COL17A1: variants seen among roughly 807,000 people sequenced by gnomAD.
COL17A1 encodes the protein collagen type XVII alpha 1 chain.
A neutral mutation model predicts 218.4 loss-of-function variants in COL17A1; 181 were observed. The ratio of observed to expected loss-of-function variants is 0.83; its 90% CI spans 0.73 to 0.94. The LOEUF is 0.94. Ranked by LOEUF, COL17A1 falls within the 40% of genes least tolerant of loss-of-function variation. COL17A1 has a pLI of 0.00. For synonymous variants in COL17A1, 721 were observed against 731.0 expected (o/e 0.99, Z 0.22); for missense variants, 1,924 against 1,945.9 (o/e 0.99, Z 0.21).
intron 29 of COL17A1, 171 bp from the exon 30 acceptor site, chr10:104,048,275 C>T (rs2086433893): frequency 1.3e-6 from 1 of 778,184 alleles, no homozygotes; most frequent in Non-Finnish European, 2.4e-6. Context: ...TCCCACTGCC[C>T]CTTCTCCTAA....
intron 6 of COL17A1, chr10:104,073,839 G>C (rs369190183): frequency 9.0e-6 from 3 of 331,582 alleles, no homozygotes; most frequent in Admixed American, 4.2e-5. Context: ...TCTACTCGCT[G>C]CTCTGCTTCT....
chr10:104,059,862 A>C (rs541252244), intron 14 of COL17A1, 144 bp from the exon 15 acceptor site: 1 of 1,017,422 alleles, frequency 9.8e-7, no homozygotes, highest in East Asian at 2.6e-5. Flanking sequence ...CCTGGGGTTC[A>C]TCTCCCCTGA....
In COL17A1 at chr10:104,032,224, C is replaced by G; in HGVS notation, c.*11G>C. The G allele has an allele frequency of 6.2e-7, 1 of 1,611,478 alleles. No homozygotes were observed. The highest frequency in any genetic ancestry group is 8.5e-7 in the Non-Finnish European group (1 of 1,177,568). ...GAGACCTGGTCCAGGAGCTGTCCTG[C>G]CATGGCTAGCTCACGGCTTGACAGC... On this transcript the variant is annotated 3_prime_UTR_variant, in exon 56 of 56. Coordinates refer to ENST00000648076, the MANE Select transcript of COL17A1 (RefSeq NM_000494.4).
intron 2 of COL17A1, among the ~76,000 whole-genome samples, 165 bp from the exon 3 acceptor site, chr10:104,078,751 A>C (rs1231146906): frequency 6.6e-6 from 1 of 152,214 alleles, no homozygotes; most frequent in African/African-American, 2.4e-5. Flanking sequence ...CTGTGCAAAA[A>C]GATATGAGCA....
In COL17A1 at chr10:104,073,081, G is replaced by A. The variant is rs900796167; in HGVS notation, c.415+129C>T. The A allele has an allele frequency of 3.4e-6, 3 of 881,062 alleles. No individual in the cohort carries two copies. The African/African-American group carries it at 4.9e-5, about 14-fold the overall frequency. 54.6% of individuals were successfully genotyped at this position (881,062 alleles called of 1,614,324 possible). Reference sequence around the variant, plus strand: ...ATTCCCAGGATACTCTAAGCTCCTCGAAAGCAGAAAGCATGCCTTATTTAT... The same window carrying A: ...ATTCCCAGGATACTCTAAGCTCCTCAAAAGCAGAAAGCATGCCTTATTTAT... On this transcript the variant is annotated intron_variant, in intron 7 of 55. Transcript: ENST00000648076.
intron 6 of COL17A1, chr10:104,073,868 T>C (rs2086687792): frequency 2.8e-6 from 1 of 362,080 alleles, no homozygotes; most frequent in Non-Finnish European, 5.3e-6. Context: ...CCTCTGTGCA[T>C]CTCATGGAAA....
intron 4 of COL17A1, among the ~76,000 whole-genome samples, chr10:104,077,004 T>A (rs2086716593): frequency 6.6e-6 from 1 of 152,182 alleles, no homozygotes; most frequent in Non-Finnish European, 1.5e-5. Flanking sequence ...AGTAACCCAA[T>A]CGTTAAGTTT....
rs776308811 is a variant in COL17A1, at chr10:104,033,336, C to T, written c.4196G>A (p.Gly1399Asp). Residue 1399 changes from glycine to aspartate, a missense_variant, in exon 53 of 56, where the codon GGC becomes GAC. Gly to Asp is a moderately conservative substitution (Grantham distance 94). Coordinates refer to ENST00000648076, the MANE Select transcript of COL17A1 (RefSeq NM_000494.4). The stretch of plus-strand genomic sequence containing the variant: ...CTGTGGCCCAGGCTGGCCTGGTGGG[C>T]CCTGGACAGTGTAGGCCATCCCTTG... ...LLQGMAYTVQ[G>D]PPGQPGPQGP... is the part of the protein sequence containing the mutation. 10 of 1,609,482 alleles carry T rather than the reference C, an allele frequency of 6.2e-6. No individual in the cohort carries two copies. In the Admixed American group the frequency reaches 1.3e-4, roughly 22 times the overall value.
At chr10:104,043,782 T>C (rs2086384259) in intron 34 of COL17A1, 43 bp downstream of exon 34, 1 of 1,611,156 alleles carries the variant, frequency 6.2e-7, no homozygotes. Flanking sequence ...GTGCCCAGTA[T>C]AAGAAAGACA....
At position 104,039,440 on chromosome 10, in the gene COL17A1, C is replaced by T. The variant is rs1185584461; in HGVS notation, c.2896+5G>A. ...TCACCACCTTCTCACTGCTCCCTCA[C>T]TGACCTTTGTCACCTTTGGGTCCCT... On this transcript the variant is annotated splice_donor_5th_base_variant and intron_variant, in intron 43 of 55. Transcript: ENST00000648076. 1.2e-6 allele frequency: 2 copies of T among 1,614,044 alleles called. No individual in the cohort carries two copies. The highest frequency in any genetic ancestry group is 1.7e-6 in the Non-Finnish European group (2 of 1,179,992).
rs1444990244 is a variant in COL17A1, at chr10:104,041,117, C to A, written c.2649G>T (p.Gly883=). Residue 883 remains glycine, a splice_region_variant and synonymous_variant, in exon 39 of 56, where the codon GGG becomes GGT. Transcript: ENST00000648076. The part of the protein sequence containing the change: ...PGPPGPRGPP[G]EGLPGPPGPP... ...GGCCTGGTGGGCCTGGCAAACCCTC[C>A]CCTAGGAAAGAGAACCCCCAAGACT... 6.2e-7 allele frequency: 1 copy of A among 1,606,464 alleles called. No individual in the cohort carries two copies. Among genetic ancestry groups the A allele is most frequent in the Admixed American group, 1.7e-5 (1 of 59,496 alleles).
chr10:104,044,960 T>A (rs2086394867), intron 33 of COL17A1, among the ~76,000 whole-genome samples: 1 of 152,182 alleles, frequency 6.6e-6, no homozygotes, highest in African/African-American at 2.4e-5. Flanking sequence ...AATCAGTCAT[T>A]GGAAATGATT....
rs377127554 is a variant in COL17A1, at chr10:104,055,918, A to G, written c.1551T>C (p.Asp517=). Residue 517 remains aspartate (D), a synonymous_variant, in exon 18 of 56, where the codon GAT becomes GAC. Coordinates refer to ENST00000648076, the MANE Select transcript of COL17A1 (RefSeq NM_000494.4). ...CCTGGAGGCGGTCCTTTTCTATTCTATCCATGCTGTCCCCATAGGGCAGTA... is the reference window on the plus strand; with the variant it reads ...CCTGGAGGCGGTCCTTTTCTATTCTGTCCATGCTGTCCCCATAGGGCAGTA... ...RSILPYGDSM[D]RIEKDRLQGM... is the part of the protein sequence containing the mutation. 40 of 1,613,890 alleles carry G rather than the reference A, an allele frequency of 2.5e-5. No individual in the cohort carries two copies. Among genetic ancestry groups the G allele is most frequent in the Non-Finnish European group, 2.9e-5 (34 of 1,179,996 alleles).
At chr10:104,046,495 G>A (rs1025494238) in intron 32 of COL17A1, among the ~76,000 whole-genome samples, 18 of 152,180 alleles carry the variant, frequency 1.2e-4, no homozygotes, top group African/African-American at 3.6e-4. Context: ...TCCTGCACCC[G>A]AGGGGAACAG....
rs1326423575 is a variant in COL17A1 at position 104,047,785 on chromosome 10, A to G, written c.2289T>C (p.Pro763=). Reference sequence around the variant, plus strand: ...AAGGTCCTGGTGGGCCACGGATTCCAGGCATCCCAGTAAGACCTTGTTCAC... The same window carrying G: ...AAGGTCCTGGTGGGCCACGGATTCCGGGCATCCCAGTAAGACCTTGTTCAC... ...PRGEQGLTGM[P]GIRGPPGPSG... The change falls in exon 31 of 56, where the codon CCT becomes CCC. Residue 763 remains proline (P), a synonymous_variant. Transcript: ENST00000648076. The G allele has an allele frequency of 6.2e-7, 1 of 1,614,162 alleles. No individual in the cohort carries two copies. Among genetic ancestry groups the G allele is most frequent in the Admixed American group, 1.7e-5 (1 of 60,022 alleles).
Position 104,055,027 on chromosome 10 carries a change from A to G in COL17A1, c.1718-20T>C, listed in dbSNP as rs138201413. The G allele has an allele frequency of 1.2e-5, 20 of 1,614,126 alleles. No individual in the cohort carries two copies. In the East Asian group the frequency reaches 4.5e-4, roughly 36 times the overall value. The stretch of plus-strand genomic sequence containing the variant: ...TGTCACCTGAAACCAGAAAGATATG[A>G]AAACTGTGAGATGGGGCAAGAACCC... On this transcript the variant is annotated intron_variant, in intron 19 of 55. Transcript: ENST00000648076.
chr10:104,064,306 TG>T lies in COL17A1; in HGVS notation c.766+131del, dbSNP rs1589572414. On this transcript the variant is annotated intron_variant, in intron 10 of 55. Coordinates refer to ENST00000648076, the MANE Select transcript of COL17A1 (RefSeq NM_000494.4). ...AACTGAAGTTCCAGGGGGAATCTCCTGGGATGTTTGGCCACAGAAAGCCTCT... is the reference window on the plus strand; with the variant it reads ...AACTGAAGTTCCAGGGGGAATCTCCTGGATGTTTGGCCACAGAAAGCCTCT... 7 of 1,450,356 alleles carry T rather than the reference TG, an allele frequency of 4.8e-6. No homozygotes were observed. The East Asian group carries it at 1.4e-4, about 30-fold the overall frequency. The allele number at this position is 1,450,356 out of a possible 1,614,324, so 89.8% of individuals were successfully genotyped here.
At chr10:104,034,442 G>A in intron 51 of COL17A1, 108 bp from the exon 52 acceptor site, 1 of 1,472,046 alleles carries the variant, frequency 6.8e-7, no homozygotes, top group Non-Finnish European at 9.1e-7. Context: ...GAGACCAGAA[G>A]TGAACTTCAG....
chr10:104,038,928 A>T, intron 44 of COL17A1, 143 bp downstream of exon 44: 1 of 977,682 alleles, frequency 1.0e-6, no homozygotes, highest in Non-Finnish European at 1.7e-6. Context: ...AAGGCAGCTC[A>T]TAGGTCCTAG....
Sources: gnomAD v4.1 joint callset for allele counts (sites outside exome capture counted in the v4.1 genomes callset) on GRCh38, gnomAD v4.1.1 for gene constraint, MANE v1.5 for transcripts, NCBI Gene and HGNC (gene_info 2026-07-23, HGNC 2026-07-21) for gene names.